The following TNFRSF21 variants were observed in gnomAD, a reference collection of about 807,000 sequenced individuals.
TNFRSF21 encodes the protein TNF receptor superfamily member 21, also known as tumor necrosis factor receptor superfamily member 21.
Under a neutral mutation model 45.6 loss-of-function variants are expected in TNFRSF21, and 19 were observed. The ratio of observed to expected loss-of-function variants is 0.42; its 90% CI spans 0.29 to 0.61. TNFRSF21 has a LOEUF of 0.61. Ranked by LOEUF, TNFRSF21 falls within the 20% of genes least tolerant of loss-of-function variation. The pLI is 0.23. For synonymous variants in TNFRSF21, 314 were observed against 335.5 expected (o/e 0.94, Z 0.70); for missense variants, 737 against 851.5 (o/e 0.87, Z 1.67).
chr6:47,236,080 A>T (rs1764662904), intron 4 of TNFRSF21, among the ~76,000 whole-genome samples: 1 of 152,184 alleles, frequency 6.6e-6, no homozygotes, highest in Non-Finnish European at 1.5e-5. Flanking sequence ...ATGTGACTTC[A>T]TTTTACCAGT....
intron 3 of TNFRSF21, among the ~76,000 whole-genome samples, chr6:47,272,129 T>C (rs972759976): frequency 6.6e-6 from 1 of 152,134 alleles, no homozygotes; most frequent in African/African-American, 2.4e-5. Flanking sequence ...GTAACAAGGA[T>C]ATCCAGACTT....
chr6:47,249,098 T>C (rs1764864007), intron 4 of TNFRSF21, among the ~76,000 whole-genome samples: 1 of 152,194 alleles, frequency 6.6e-6, no homozygotes, highest in African/African-American at 2.4e-5. Context: ...GGAGCCTTAC[T>C]GGCTGGTTAG....
intron 1 of TNFRSF21, among the ~76,000 whole-genome samples, chr6:47,296,347 G>A (rs1437185234): frequency 1.3e-5 from 2 of 152,154 alleles, no homozygotes; most frequent in African/African-American, 4.8e-5. Context: ...TCTACCAGGT[G>A]CTAGCTAGGT....
At chr6:47,271,702 T>G (rs1762421762) in intron 3 of TNFRSF21, among the ~76,000 whole-genome samples, 1 of 152,066 alleles carries the variant, frequency 6.6e-6, no homozygotes. Flanking sequence ...ATGCCCCAAT[T>G]AAAAGACACA....
chr6:47,273,431 T>A (rs761432070), intron 3 of TNFRSF21, among the ~76,000 whole-genome samples: 6 of 152,222 alleles, frequency 3.9e-5, no homozygotes, highest in Non-Finnish European at 8.8e-5. Context: ...TCTCAATAGA[T>A]GCAGAAAAGG....
chr6:47,264,384 C>T (rs748070457), intron 3 of TNFRSF21, among the ~76,000 whole-genome samples: 2 of 152,078 alleles, frequency 1.3e-5, no homozygotes, highest in Non-Finnish European at 2.9e-5. Flanking sequence ...AAAAATTAGC[C>T]AGGCATGGTG....
chr6:47,238,609 C>T (rs1764699088), intron 4 of TNFRSF21, among the ~76,000 whole-genome samples: 1 of 152,188 alleles, frequency 6.6e-6, no homozygotes, highest in Non-Finnish European at 1.5e-5. Flanking sequence ...CACACTTAGT[C>T]CTTCCAGATA....
chr6:47,279,648 C>T (rs932655111), intron 3 of TNFRSF21, among the ~76,000 whole-genome samples: 5 of 152,144 alleles, frequency 3.3e-5, no homozygotes, highest in African/African-American at 4.8e-5. Context: ...CCACTTACCC[C>T]ATTACATTGA....
intron 3 of TNFRSF21, among the ~76,000 whole-genome samples, chr6:47,265,826 G>A (rs1232988569): frequency 3.3e-5 from 5 of 152,104 alleles, no homozygotes; most frequent in South Asian, 2.1e-4. Flanking sequence ...TGCCTATGCC[G>A]GTAGTAGCAA....
At chr6:47,301,078 G>C (rs1307224103) in intron 1 of TNFRSF21, among the ~76,000 whole-genome samples, 2 of 152,164 alleles carry the variant, frequency 1.3e-5, no homozygotes, top group Non-Finnish European at 2.9e-5. Flanking sequence ...CTTCTAGTCT[G>C]ACAACTTACA....
At chr6:47,304,976 T>G (rs191737462) in intron 1 of TNFRSF21, among the ~76,000 whole-genome samples, 1 of 152,228 alleles carries the variant, frequency 6.6e-6, no homozygotes, top group Admixed American at 6.5e-5. Flanking sequence ...TTCCTCTGAT[T>G]AGAAGTTGCT....
At chr6:47,301,130 AGTT>A (rs1487777668) in intron 1 of TNFRSF21, among the ~76,000 whole-genome samples, 1 of 152,206 alleles carries the variant, frequency 6.6e-6, no homozygotes, top group Non-Finnish European at 1.5e-5. Flanking sequence ...TCTATCCTTC[AGTT>A]GTTGTTCAAA....
intron 4 of TNFRSF21, among the ~76,000 whole-genome samples, chr6:47,244,241 G>C (rs1186011142): frequency 6.7e-6 from 1 of 148,558 alleles, no homozygotes; most frequent in Non-Finnish European, 1.5e-5. Flanking sequence ...GGAGAATGGC[G>C]TGAACCCGGG....
chr6:47,232,593 A>G lies in TNFRSF21; in HGVS notation c.*172T>C, dbSNP rs1317197868. 1.7e-6 allele frequency: 1 copy of G among 579,686 alleles called. No homozygotes were observed. Among genetic ancestry groups the G allele is most frequent in the Non-Finnish European group, 3.0e-6 (1 of 336,878 alleles). The allele number at this position is 579,686 out of a possible 1,614,324, so 35.9% of individuals were successfully genotyped here. A position where few individuals can be genotyped will look rare whatever the true frequency, so the allele number is the denominator to read the frequency against. On this transcript the variant is annotated 3_prime_UTR_variant, in exon 6 of 6. Coordinates refer to ENST00000296861, the MANE Select transcript of TNFRSF21 (RefSeq NM_014452.5). ...AAAAAAGAGAGAGAGAGAAGGAGAA[A>G]GAACTCAAGCACTGGCCATATTCTC...
At chr6:47,233,093 TCCCCCC>T in intron 5 of TNFRSF21, 99 bp from the exon 6 acceptor site, 1 of 1,027,526 alleles carries the variant, frequency 9.7e-7, no homozygotes, top group East Asian at 2.5e-5. Flanking sequence ...GACATCTATG[TCCCCCC>T]CAGCCTATTA....
chr6:47,291,043 T>C (rs763193213), intron 1 of TNFRSF21, among the ~76,000 whole-genome samples: 5 of 152,222 alleles, frequency 3.3e-5, no homozygotes, highest in Non-Finnish European at 7.3e-5. Context: ...AGGTGCTTCC[T>C]AGCTCAGGGA....
chr6:47,238,250 T>C (rs77277153), intron 4 of TNFRSF21, among the ~76,000 whole-genome samples: 3,526 of 152,338 alleles, frequency 0.023, 140 homozygotes, highest in African/African-American at 0.08. Context: ...AGCTCCTCTC[T>C]ATACTTTTGT....
intron 1 of TNFRSF21, among the ~76,000 whole-genome samples, chr6:47,304,205 C>T (rs138346338): frequency 1.8e-3 from 266 of 150,726 alleles, no homozygotes; most frequent in African/African-American, 6.1e-3. Flanking sequence ...GGAAAATAAG[C>T]ACAAGGAAAA....
At chr6:47,302,631 T>C (rs1322508116) in intron 1 of TNFRSF21, among the ~76,000 whole-genome samples, 1 of 152,192 alleles carries the variant, frequency 6.6e-6, no homozygotes, top group African/African-American at 2.4e-5. Flanking sequence ...TTGCTCTCAG[T>C]TTATAACCAG....
Sources: gnomAD v4.1 joint callset for allele counts (sites outside exome capture counted in the v4.1 genomes callset) on GRCh38, gnomAD v4.1.1 for gene constraint, MANE v1.5 for transcripts, NCBI Gene and HGNC (gene_info 2026-07-23, HGNC 2026-07-21) for gene names.